TNK2: variants seen among roughly 807,000 people sequenced by gnomAD.
TNK2 encodes activated CDC42 kinase 1.
A neutral mutation model predicts 101.8 loss-of-function variants in TNK2; 83 were observed. The observed-to-expected ratio is 0.82, with a 90% CI of 0.68 to 0.98. The LOEUF is 0.98. Among genes scored for constraint, TNK2 ranks in the 50% least tolerant of loss-of-function variants. The probability of loss-of-function intolerance (pLI) is 0.00; values close to 1 mark genes in which losing one functional copy is unlikely to be tolerated. For missense variants in TNK2, 1,665 were observed against 1,483.2 expected, an observed-to-expected ratio of 1.12 and a Z score of -2.01; for synonymous variants, 804 against 633.0, an observed-to-expected ratio of 1.27 and a Z score of -4.06.
At position 195,888,666 on chromosome 3, in the gene TNK2, G is replaced by A. The variant is rs150367002; in HGVS notation, c.-18-60C>T. The A allele has an allele frequency of 2.4e-5, 36 of 1,482,786 alleles. No individual in the cohort carries two copies. The highest frequency in any genetic ancestry group is 3.0e-5 in the Non-Finnish European group (33 of 1,100,616). The allele number at this position is 1,482,786 out of a possible 1,614,324, so 91.9% of individuals were successfully genotyped here. On this transcript the variant is annotated intron_variant, in intron 1 of 15. Transcript: ENST00000672887. This position sits in a 1 kb window ranked among gnomAD's most constrained non-coding sequence, Gnocchi z 5.3. Reference sequence around the variant, plus strand: ...GTGGGGGGACAACAGGGGCCTGCCCGAGTGACCTGGGCTCACCTTCATCCC... The same window carrying A: ...GTGGGGGGACAACAGGGGCCTGCCCAAGTGACCTGGGCTCACCTTCATCCC...
At chr3:195,865,615 T>C (rs1277804779) in intron 15 of TNK2, among the ~76,000 whole-genome samples, 1 of 142,896 alleles carries the variant, frequency 7.0e-6, no homozygotes, top group African/African-American at 2.7e-5. Flanking sequence ...GCGTCCCAGG[T>C]GCAAATCAGT....
chr3:195,886,902 G>T lies in TNK2; in HGVS notation c.234+75C>A. 6.5e-7 allele frequency: 1 copy of T among 1,535,262 alleles called. No individual in the cohort carries two copies. The highest frequency in any genetic ancestry group is 9.0e-7 in the Non-Finnish European group (1 of 1,108,156). On this transcript the variant is annotated intron_variant, in intron 3 of 15. Coordinates refer to ENST00000672887, the MANE Select transcript of TNK2 (RefSeq NM_001382273.1). This position sits in a 1 kb window ranked among gnomAD's most constrained non-coding sequence, Gnocchi z 4.2. ...TCGACCTGCCGGGGAGCTGGGGAAG[G>T]TTCCCAGGACCAGAAGCGGAGGGGG... is the stretch of plus-strand genomic sequence containing the variant.
intron 9 of TNK2, among the ~76,000 whole-genome samples, chr3:195,875,468 TC>T (rs1401046863): frequency 1.4e-4 from 17 of 121,274 alleles, no homozygotes; most frequent in Admixed American, 5.8e-4. Flanking sequence ...CACAGGAAGC[TC>T]CCCCTCGGGA....
In TNK2 at chr3:195,902,628, A is replaced by AC. The variant is rs1761324222; in HGVS notation, c.-19+5856_-19+5857insG. ...GCAAGACTCCGTCTCAAAAAAAAAA[A>AC]ACAAAAAAAAACAAACATAAAAAAA... On this transcript the variant is annotated intron_variant, in intron 1 of 15. Coordinates refer to ENST00000672887, the MANE Select transcript of TNK2 (RefSeq NM_001382273.1). Among the ~76,000 whole-genome samples the AC allele has an allele frequency of 5.3e-5, 7 of 132,566 alleles. No homozygotes were observed. The East Asian group carries it at 7.1e-4, about 13-fold the overall frequency. The allele number at this position is 132,566 out of a possible 152,430, so 87.0% of individuals were successfully genotyped here. A position where few individuals can be genotyped will look rare whatever the true frequency, so the allele number is the denominator to read the frequency against.
At chr3:195,887,814 G>A (rs372877564) in intron 2 of TNK2, among the ~76,000 whole-genome samples, 5 of 148,268 alleles carry the variant, frequency 3.4e-5, no homozygotes, top group African/African-American at 1.3e-4. Context: ...CCGTGCGTGT[G>A]CATGCGGGTG....
chr3:195,868,786 G>A (rs34049168), intron 12 of TNK2, 77 bp from the exon 13 acceptor site: 353,687 of 1,445,286 alleles, frequency 0.24, 44,570 homozygotes, highest in Middle Eastern at 0.32. Context: ...GCACGTGGGA[G>A]AGAAAGCCAA....
Position 195,882,673 on chromosome 3 carries a change from C to G in TNK2, c.610-345G>C. ...AGGAGTTTGAGACCAGCCTGGCCAACATGGTGAAACCCCGTCTCTACTAAA... is the reference window on the plus strand; with the variant it reads ...AGGAGTTTGAGACCAGCCTGGCCAAGATGGTGAAACCCCGTCTCTACTAAA... On this transcript the variant is annotated intron_variant, in intron 5 of 15. Coordinates refer to ENST00000672887, the MANE Select transcript of TNK2 (RefSeq NM_001382273.1). This position sits in a 1 kb window ranked among gnomAD's most constrained non-coding sequence, Gnocchi z 4.2. 1 of 554,042 alleles carries G rather than the reference C, an allele frequency of 1.8e-6. No homozygotes were observed. The highest frequency in any genetic ancestry group is 1.8e-5 in the South Asian group (1 of 56,852). The allele number at this position is 554,042 out of a possible 1,614,324, so 34.3% of individuals were successfully genotyped here.
At position 195,867,216 on chromosome 3, in the gene TNK2, G is replaced by A; in HGVS notation, c.2986C>T (p.Leu996=). Residue 996 remains leucine, a synonymous_variant, in exon 14 of 16, where the codon CTG becomes TTG. Transcript: ENST00000672887. Reference sequence around the variant, plus strand: ...TGCACGCTCCAGCCGTGGCACTGCAGGGCCGCCTGGCACTCCTCTGTGGTC... The same window carrying A: ...TGCACGCTCCAGCCGTGGCACTGCAAGGCCGCCTGGCACTCCTCTGTGGTC... The part of the protein sequence containing the change: ...GVTTEECQAA[L]QCHGWSVQRA... 1 of 1,613,052 alleles carries A rather than the reference G, an allele frequency of 6.2e-7. No individual in the cohort carries two copies. Among genetic ancestry groups the A allele is most frequent in the Non-Finnish European group, 8.5e-7 (1 of 1,179,924 alleles).
intron 9 of TNK2, among the ~76,000 whole-genome samples, chr3:195,875,408 C>G (rs12496236): frequency 3.0e-4 from 18 of 59,884 alleles, no homozygotes; most frequent in Non-Finnish European, 4.6e-4. Context: ...ACGCACGCTC[C>G]GAGGCACAAG....
At chr3:195,875,800 T>C (rs1460276273) in intron 9 of TNK2, among the ~76,000 whole-genome samples, 2 of 152,124 alleles carry the variant, frequency 1.3e-5, no homozygotes, top group Admixed American at 6.5e-5. Context: ...ATGAACCTTC[T>C]ACCTCCTGCT....
chr3:195,890,139 G>T (rs539705404), intron 1 of TNK2, among the ~76,000 whole-genome samples: 1 of 152,356 alleles, frequency 6.6e-6, no homozygotes. Context: ...CTTCCACCTC[G>T]GCGACCGGGC....
chr3:195,864,579 G>A (rs1371517256), intron 15 of TNK2, among the ~76,000 whole-genome samples: 3 of 147,760 alleles, frequency 2.0e-5, no homozygotes, highest in Non-Finnish European at 4.5e-5. Flanking sequence ...ATGCAAATCA[G>A]TAAGAACCAC....
In TNK2 at chr3:195,870,162, C is replaced by T. The variant is rs770236030; in HGVS notation, c.1495G>A (p.Val499Met). The change falls in exon 11 of 16, where the codon GTG (valine) becomes ATG (methionine). Residue 499 changes from valine to methionine, a missense_variant. Physicochemically the swap from Val to Met is conservative, Grantham distance 21. This residue lies in a region of TNK2 where 1,136 missense variants were observed against 894.9 expected (regional missense o/e 1.27). Transcript: ENST00000672887. ...NPMDPPDLLS[V>M]ELSTSRPPQH... ...GGGGGCCGGGAGGTGCTCAGTTCCA[C>T]GCTCAGGAGGTCGGGGGGGTCCATG... 5.2e-5 allele frequency: 79 copies of T among 1,514,934 alleles called. No homozygotes were observed. Among genetic ancestry groups the T allele is most frequent in the Middle Eastern group, 1.7e-4 (1 of 5,756 alleles). 93.8% of individuals were successfully genotyped at this position (1,514,934 alleles called of 1,614,324 possible).
At position 195,872,488 on chromosome 3, in the gene TNK2, C is replaced by CA; in HGVS notation, c.1257-19dup. The CA allele has an allele frequency of 6.4e-7, 1 of 1,562,114 alleles. No homozygotes were observed. The highest frequency in any genetic ancestry group is 8.7e-7 in the Non-Finnish European group (1 of 1,151,342). On this transcript the variant is annotated intron_variant, in intron 9 of 15. Coordinates refer to ENST00000672887, the MANE Select transcript of TNK2 (RefSeq NM_001382273.1). The stretch of plus-strand genomic sequence containing the variant: ...TCTCGGCCCTGCGCGACAGAGATGG[C>CA]ACGGTGAACGCCAGGCGTGGCGGGG...
At chr3:195,899,285 A>C (rs1320116034) in intron 1 of TNK2, among the ~76,000 whole-genome samples, 1 of 152,200 alleles carries the variant, frequency 6.6e-6, no homozygotes, top group Non-Finnish European at 1.5e-5. Flanking sequence ...GCTTGAAAAC[A>C]TGAGTAGTAA....
intron 1 of TNK2, among the ~76,000 whole-genome samples, chr3:195,894,005 G>T (rs1369180243): frequency 7.9e-5 from 12 of 152,192 alleles, no homozygotes; most frequent in Admixed American, 7.9e-4. Context: ...AGCCCACAAA[G>T]CTTGTGGAGA....
At position 195,867,641 on chromosome 3, in the gene TNK2, C is replaced by A; in HGVS notation, c.2657G>T (p.Arg886Leu). The A allele has an allele frequency of 6.2e-7, 1 of 1,602,246 alleles. No individual in the cohort carries two copies. Among genetic ancestry groups the A allele is most frequent in the Non-Finnish European group, 8.5e-7 (1 of 1,179,540 alleles). The change falls in exon 13 of 16, where the codon CGC (arginine) becomes CTC (leucine). Residue 886 changes from arginine (R) to leucine (L), a missense_variant. By Grantham distance (102) the Arg-to-Leu change is moderately radical. Transcript: ENST00000672887. ...GGCCTCACGCAGGAAGCGCTGGTAG[C>A]GCTCCAGGTAGGATGGTCGCTCGGG... Reference protein sequence around the residue: ...LLPERPSYLERYQRFLREAQS... With the variant: ...LLPERPSYLELYQRFLREAQS...
At chr3:195,866,811 G>A (rs1401664126) in intron 15 of TNK2, 78 bp downstream of exon 15, 11 of 1,546,152 alleles carry the variant, frequency 7.1e-6, no homozygotes, top group South Asian at 1.2e-5. Context: ...GCGAGGTGTT[G>A]GGCTTCCTCC....
At position 195,868,267 on chromosome 3, in the gene TNK2, C is replaced by T. The variant is rs1458215557; in HGVS notation, c.2031G>A (p.Gly677=). 2 of 1,604,422 alleles carry T rather than the reference C, an allele frequency of 1.2e-6. No homozygotes were observed. Among genetic ancestry groups the T allele is most frequent in the East Asian group, 4.5e-5 (2 of 44,826 alleles). ...CGTAGTTGGTCTGGCCCTGGCTGGG[C>T]CCGGCAGGGACCCCCGCGCCCACGA... The part of the protein sequence containing the change: ...STLVGAGVPA[G]PSQGQTNYAF... The change falls in exon 13 of 16, where the codon GGG becomes GGA. Residue 677 remains glycine (G), a synonymous_variant. Transcript: ENST00000672887.
Sources: gnomAD v4.1 joint callset for allele counts (sites outside exome capture counted in the v4.1 genomes callset) on GRCh38, gnomAD v4.1.1 for gene constraint, gnomAD v4.1.1 regional missense constraint, Gnocchi (gnomAD v3.1) non-coding constraint, MANE v1.5 for transcripts, NCBI Gene and HGNC (gene_info 2026-07-23, HGNC 2026-07-21) for gene names.